Variants in FSIP1 observed in about 807,000 individuals in gnomAD.
The protein encoded by FSIP1 is fibrous sheath-interacting protein 1.
FSIP1 carries 65 observed loss-of-function variants against 60.9 expected under a neutral mutation model. The observed-to-expected ratio is 1.07, with a 90% CI of 0.87 to 1.31. FSIP1 has a LOEUF of 1.31. Among genes scored for constraint, FSIP1 ranks in the 40% most tolerant of loss-of-function variants. FSIP1 has a pLI of 0.00. For missense variants in FSIP1, 675 were observed against 665.5 expected (o/e 1.01, Z -0.16); for synonymous variants, 209 against 221.2 (o/e 0.94, Z 0.49).
At chr15:39,714,955 A>T (rs1895678282) in intron 9 of FSIP1, among the ~76,000 whole-genome samples, 1 of 143,144 alleles carries the variant, frequency 7.0e-6, no homozygotes, top group African/African-American at 2.6e-5. Flanking sequence ...ACTGGGCAAC[A>T]GAATGAGACT....
chr15:39,742,740 A>G (rs1896847606), intron 5 of FSIP1, among the ~76,000 whole-genome samples: 1 of 152,174 alleles, frequency 6.6e-6, no homozygotes, highest in South Asian at 2.1e-4. Context: ...CCCTCAACAC[A>G]CATTCACCTA....
intron 10 of FSIP1, among the ~76,000 whole-genome samples, chr15:39,694,823 A>T (rs189559067): frequency 1.1e-4 from 17 of 148,180 alleles, no homozygotes; most frequent in African/African-American, 2.3e-4. Context: ...AATAAAAAAT[A>T]AAAAAAAGAT....
intron 8 of FSIP1, among the ~76,000 whole-genome samples, chr15:39,728,128 A>C (rs568513065): frequency 6.6e-6 from 1 of 152,314 alleles, no homozygotes; most frequent in African/African-American, 2.4e-5. Context: ...TGCTCAAAGA[A>C]ACCAGAGATG....
intron 10 of FSIP1, among the ~76,000 whole-genome samples, chr15:39,638,354 C>T (rs970070617): frequency 2.0e-5 from 3 of 152,208 alleles, no homozygotes; most frequent in Non-Finnish European, 2.9e-5. Flanking sequence ...TGGAGCAACA[C>T]TGGAGAACCA....
At chr15:39,737,017 C>G (rs1183909223) in intron 8 of FSIP1, among the ~76,000 whole-genome samples, 1 of 152,036 alleles carries the variant, frequency 6.6e-6, no homozygotes, top group Admixed American at 6.5e-5. Flanking sequence ...GATGCACAGA[C>G]CAGTTTCAGG....
rs3065148 is a variant in FSIP1, at chr15:39,749,263, C to CAAAAAAAAAAAAAAAAAAAAAA, written c.560-7364_560-7363insTTTTTTTTTTTTTTTTTTTTTT. ...AATACCAATACTTCTTAAACTCTTC[C>CAAAAAAAAAAAAAAAAAAAAAA]AAAAAAAAAAAAACCAGGCTAGAGG... On this transcript the variant is annotated intron_variant, in intron 5 of 11. Transcript: ENST00000350221. Among the ~76,000 whole-genome samples, 309 of 98,204 alleles carry CAAAAAAAAAAAAAAAAAAAAAA rather than the reference C, an allele frequency of 3.1e-3. 26 individuals are homozygous for CAAAAAAAAAAAAAAAAAAAAAA. Among genetic ancestry groups the CAAAAAAAAAAAAAAAAAAAAAA allele is most frequent in the African/African-American group, 0.01 (221 of 21,414 alleles). 64.4% of individuals were successfully genotyped at this position (98,204 alleles called of 152,430 possible). A position where few individuals can be genotyped will look rare whatever the true frequency, so the allele number is the denominator to read the frequency against.
At chr15:39,707,866 T>C (rs1456941939) in intron 10 of FSIP1, among the ~76,000 whole-genome samples, 2 of 152,060 alleles carry the variant, frequency 1.3e-5, no homozygotes, top group African/African-American at 2.4e-5. Flanking sequence ...AAAGCTTATA[T>C]AATAGGACCA....
intron 2 of FSIP1, among the ~76,000 whole-genome samples, chr15:39,774,208 C>T (rs1004075734): frequency 9.9e-5 from 15 of 152,190 alleles, no homozygotes; most frequent in Non-Finnish European, 1.8e-4. Context: ...ATAGGCCAGA[C>T]GCAGTGGCTC....
intron 2 of FSIP1, among the ~76,000 whole-genome samples, chr15:39,774,681 G>A (rs1048095820): frequency 6.6e-6 from 1 of 152,196 alleles, no homozygotes; most frequent in African/African-American, 2.4e-5. Flanking sequence ...GGTTCTGGAC[G>A]TACGTTAGGA....
At chr15:39,779,215 TC>T (rs1327279186) in intron 1 of FSIP1, among the ~76,000 whole-genome samples, 1 of 151,810 alleles carries the variant, frequency 6.6e-6, no homozygotes, top group African/African-American at 2.4e-5. Context: ...AATGCACATA[TC>T]AAAAAAAATA....
chr15:39,705,718 TC>T (rs1485196107), intron 10 of FSIP1, among the ~76,000 whole-genome samples: 1 of 151,914 alleles, frequency 6.6e-6, no homozygotes, highest in Admixed American at 6.6e-5. Context: ...CATATATTAA[TC>T]AGGTGCAGTG....
At chr15:39,696,245 A>G (rs1368130448) in intron 10 of FSIP1, among the ~76,000 whole-genome samples, 2 of 152,228 alleles carry the variant, frequency 1.3e-5, no homozygotes, top group South Asian at 2.1e-4. Context: ...CATATGTGAC[A>G]AAGAGTATAT....
intron 5 of FSIP1, among the ~76,000 whole-genome samples, chr15:39,747,051 C>T (rs962962483): frequency 2.9e-5 from 4 of 138,022 alleles, no homozygotes; most frequent in African/African-American, 7.4e-5. Flanking sequence ...TTCCATTCTT[C>T]CTTTCTTCCT....
intron 5 of FSIP1, among the ~76,000 whole-genome samples, chr15:39,751,575 T>C (rs1897165132): frequency 6.6e-6 from 1 of 151,430 alleles, no homozygotes; most frequent in Non-Finnish European, 1.5e-5. Flanking sequence ...CGCATGATCA[T>C]GATCTCACTT....
At chr15:39,711,009 C>T (rs757354401) in intron 10 of FSIP1, among the ~76,000 whole-genome samples, 8 of 152,124 alleles carry the variant, frequency 5.3e-5, no homozygotes, top group African/African-American at 1.4e-4. Context: ...GAATGACATA[C>T]GATTTCTTAA....
Position 39,638,576 on chromosome 15 carries a change from T to C in FSIP1, c.1189-20331A>G, listed in dbSNP as rs1892226309. On this transcript the variant is annotated intron_variant, in intron 10 of 11. Transcript: ENST00000350221. ...CTCTCTTGCTACAATCTTCAGAGTA[T>C]TATATAAGTATTTTAATTTATCCAT... Among the ~76,000 whole-genome samples, 3 of 152,356 alleles carry C rather than the reference T, an allele frequency of 2.0e-5. No homozygotes were observed. In the South Asian group the frequency reaches 6.2e-4, roughly 32 times the overall value.
intron 10 of FSIP1, among the ~76,000 whole-genome samples, chr15:39,645,146 G>A (rs1053113614): frequency 6.6e-6 from 1 of 152,230 alleles, no homozygotes; most frequent in African/African-American, 2.4e-5. Context: ...AAGTATTGAT[G>A]AGGGCATGGA....
Position 39,618,103 on chromosome 15 carries a change from A to G in FSIP1, c.1331T>C (p.Leu444Pro). 6.2e-7 allele frequency: 1 copy of G among 1,614,188 alleles called. No individual in the cohort carries two copies. Residue 444 changes from leucine (L) to proline (P), a missense_variant, in exon 11 of 12, where the codon CTT becomes CCT. Coordinates refer to ENST00000350221, the MANE Select transcript of FSIP1 (RefSeq NM_152597.5). ...IEDVTPVFPQ[L>P]SRSIISKLLN... ...CAATTTAGAGATGATGGACCTGGAA[A>G]GCTGGGGGAACACAGGTGTTACGTC...
At chr15:39,597,574 A>G (rs779486500), downstream of FSIP1, 4 of 152,158 alleles carry the variant, frequency 2.6e-5, no homozygotes, top group Non-Finnish European at 5.9e-5. Flanking sequence ...AAATTACAGT[A>G]AGTCATAGCA....
Sources: allele counts gnomAD v4.1 joint callset (sites outside exome capture counted in the v4.1 genomes callset), GRCh38; gene constraint gnomAD v4.1.1; transcripts MANE v1.5; gene names NCBI Gene and HGNC (gene_info 2026-07-23, HGNC 2026-07-21).